STRBP: variants seen among roughly 807,000 people sequenced by gnomAD.
The protein encoded by STRBP is spermatid perinuclear RNA-binding protein.
In STRBP, 13 loss-of-function variants were observed where a neutral mutation model predicts 80.1. The ratio of observed to expected loss-of-function variants is 0.16; its 90% CI spans 0.11 to 0.26. The LOEUF (loss-of-function observed/expected upper bound fraction) is 0.26. Ranked by LOEUF, STRBP falls within the 10% of genes least tolerant of loss-of-function variation. The probability of loss-of-function intolerance (pLI) is 1.00; values close to 1 mark genes in which losing one functional copy is unlikely to be tolerated. For missense variants in STRBP, 485 were observed against 815.2 expected (o/e 0.59, Z 4.93); for synonymous variants, 284 against 291.2 (o/e 0.98, Z 0.25).
intron 2 of STRBP, among the ~76,000 whole-genome samples, chr9:123,189,704 G>T (rs974380644): frequency 2.0e-5 from 3 of 151,794 alleles, no homozygotes; most frequent in Admixed American, 6.6e-5. Context: ...GTCGTGGGGT[G>T]GGGGGCTGGG....
At chr9:123,251,613 T>C (rs990779226) in intron 1 of STRBP, among the ~76,000 whole-genome samples, 1 of 152,224 alleles carries the variant, frequency 6.6e-6, no homozygotes, top group African/African-American at 2.4e-5. Flanking sequence ...AGGGTTAGTA[T>C]AGCTGATCTC....
intron 16 of STRBP, among the ~76,000 whole-genome samples, chr9:123,135,248 T>TG: frequency 6.6e-6 from 1 of 152,306 alleles, no homozygotes; most frequent in Non-Finnish European, 1.5e-5. Context: ...AAATATAATG[T>TG]TTAATGTAGA....
chr9:123,177,331 C>A (rs1425280018), intron 4 of STRBP, among the ~76,000 whole-genome samples: 1 of 152,124 alleles, frequency 6.6e-6, no homozygotes, highest in Non-Finnish European at 1.5e-5. Context: ...CTTTGGGAGG[C>A]CAAGGCAGGA....
rs112119118 is a variant in STRBP at position 123,194,724 on chromosome 9, A to G, written c.-164-10426T>C. On this transcript the variant is annotated intron_variant, in intron 2 of 18. Transcript: ENST00000348403. ...ATTTCCATGGTATTTAATGCTGTGAATAATTCTCAGTCCTCCTCTTAGTTG... is the reference window on the plus strand; with the variant it reads ...ATTTCCATGGTATTTAATGCTGTGAGTAATTCTCAGTCCTCCTCTTAGTTG... Among the ~76,000 whole-genome samples the G allele has an allele frequency of 3.9e-3, 589 of 152,194 alleles. 2 individuals carry two copies. Among genetic ancestry groups the G allele is most frequent in the African/African-American group, 0.013 (526 of 41,532 alleles).
chr9:123,263,851 T>C (rs556604554), intron 1 of STRBP, among the ~76,000 whole-genome samples: 7 of 152,310 alleles, frequency 4.6e-5, no homozygotes, highest in Admixed American at 1.3e-4. Context: ...GCAAAATACA[T>C]AGGAAAATGT....
chr9:123,171,573 CAT>C (rs1156246376), intron 5 of STRBP, among the ~76,000 whole-genome samples: 3 of 152,272 alleles, frequency 2.0e-5, no homozygotes, highest in South Asian at 2.1e-4. Flanking sequence ...CACTTGCACA[CAT>C]GTGTATATAT....
At chr9:123,114,648 T>C (rs1051103281) in intron 3 of STRBP, 9 of 168,418 alleles carry the variant, frequency 5.3e-5, no homozygotes, top group African/African-American at 1.9e-4. Flanking sequence ...CCTAGCCCGG[T>C]GGAGATGGCC....
intron 1 of STRBP, among the ~76,000 whole-genome samples, chr9:123,245,974 T>G (rs1329602563): frequency 1.3e-5 from 2 of 152,212 alleles, no homozygotes; most frequent in African/African-American, 4.8e-5. Context: ...TTAAATAACG[T>G]TCCTACTCGG....
intron 2 of STRBP, among the ~76,000 whole-genome samples, chr9:123,226,335 C>CA (rs886130899): frequency 1.4e-4 from 21 of 151,412 alleles, no homozygotes; most frequent in African/African-American, 4.6e-4. Flanking sequence ...ACCGTATATT[C>CA]AAAAAAAATG....
intron 5 of STRBP, among the ~76,000 whole-genome samples, chr9:123,171,280 T>C (rs2037995790): frequency 6.6e-6 from 1 of 152,168 alleles, no homozygotes; most frequent in South Asian, 2.1e-4. Flanking sequence ...CTCCTCCTCC[T>C]TTGCTCAAAG....
At chr9:123,139,499 A>AT (rs746132542) in intron 14 of STRBP, 30 bp downstream of exon 14, 39 of 1,522,838 alleles carry the variant, frequency 2.6e-5, no homozygotes, top group South Asian at 3.9e-5. Context: ...CATATATGTT[A>AT]TTTTTTTTCT....
At chr9:123,227,551 CTCTTTTTTTTTTTT>C (rs1214271744) in intron 2 of STRBP, among the ~76,000 whole-genome samples, 6 of 144,450 alleles carry the variant, frequency 4.2e-5, no homozygotes, top group Non-Finnish European at 7.6e-5. Context: ...TTATTGTTTT[CTCTTTTTTTTTTTT>C]TCTTTTTTTT....
At chr9:123,185,264 G>A (rs981628307) in intron 2 of STRBP, among the ~76,000 whole-genome samples, 2 of 152,122 alleles carry the variant, frequency 1.3e-5, no homozygotes, top group African/African-American at 4.8e-5. Context: ...GTCAGTAACA[G>A]TTTCTTAATA....
intron 1 of STRBP, among the ~76,000 whole-genome samples, chr9:123,249,548 G>A (rs1205182379): frequency 6.6e-6 from 1 of 152,076 alleles, no homozygotes; most frequent in Non-Finnish European, 1.5e-5. Context: ...GGCTGGAGTG[G>A]GAGGATCACT....
rs10546358 is a variant in STRBP at position 123,182,217 on chromosome 9, TAAAAAAAAAAAAAAA to T, written c.3+1900_3+1914del. 5.7e-4 allele frequency among the ~76,000 whole-genome samples: 40 copies of T among 69,806 alleles called. 1 individual carries two copies. Among genetic ancestry groups the T allele is most frequent in the Non-Finnish European group, 1.1e-3 (30 of 28,088 alleles). 45.8% of individuals were successfully genotyped at this position (69,806 alleles called of 152,430 possible). On this transcript the variant is annotated intron_variant, in intron 3 of 18. Transcript: ENST00000348403. Reference sequence around the variant, plus strand: ...GCAACAGAGTGAGACTCCGTTTCTTTAAAAAAAAAAAAAAAAAAAAAAAAAAAAAAAGACAAAAAA... The same window carrying T: ...GCAACAGAGTGAGACTCCGTTTCTTTAAAAAAAAAAAAAAAAGACAAAAAA...
chr9:123,173,356 T>TG (rs555698810), intron 5 of STRBP, among the ~76,000 whole-genome samples: 135 of 152,332 alleles, frequency 8.9e-4, no homozygotes, highest in African/African-American at 3.0e-3. Flanking sequence ...AATTCTTTTC[T>TG]GCAGTATACC....
At chr9:123,228,879 C>G (rs1185153185) in intron 2 of STRBP, among the ~76,000 whole-genome samples, 1 of 152,174 alleles carries the variant, frequency 6.6e-6, no homozygotes, top group Non-Finnish European at 1.5e-5. Flanking sequence ...ACACAAAAAT[C>G]TGAACACAAA....
rs574728753 is a variant in STRBP at position 123,233,982 on chromosome 9, C to T, written c.-165+2848G>A. Among the ~76,000 whole-genome samples the T allele has an allele frequency of 9.9e-5, 15 of 152,166 alleles. No homozygotes were observed. In the East Asian group the frequency reaches 1.4e-3, roughly 14 times the overall value. ...TTGGGAGGCCAAGGCGGGCAGATCA[C>T]GAGGTCAGGAGATTGAGACCATCCT... On this transcript the variant is annotated intron_variant, in intron 2 of 18. Transcript: ENST00000348403.
intron 1 of STRBP, among the ~76,000 whole-genome samples, chr9:123,247,214 C>T (rs920467836): frequency 6.6e-6 from 1 of 152,146 alleles, no homozygotes; most frequent in Non-Finnish European, 1.5e-5. Context: ...TTTCAACTTA[C>T]TGCCCAAATG....
Sources: gnomAD v4.1 joint callset for allele counts (sites outside exome capture counted in the v4.1 genomes callset) on GRCh38, gnomAD v4.1.1 for gene constraint, MANE v1.5 for transcripts, NCBI Gene and HGNC (gene_info 2026-07-23, HGNC 2026-07-21) for gene names.